ENTPD1: variants seen among roughly 807,000 people sequenced by gnomAD.
ENTPD1 encodes the protein ATP diphosphohydrolase.
ENTPD1 carries 33 observed loss-of-function variants against 57.0 expected under a neutral mutation model. The observed-to-expected ratio is 0.58, with a 90% CI of 0.44 to 0.77. The LOEUF is 0.77. ENTPD1 is among the 30% of genes least tolerant of loss of function. The pLI, the probability that ENTPD1 is intolerant of heterozygous loss-of-function variation, is 0.00. For missense variants in ENTPD1, 501 were observed against 603.4 expected, an observed-to-expected ratio of 0.83 and a Z score of 1.78; for synonymous variants, 202 against 218.8, an observed-to-expected ratio of 0.92 and a Z score of 0.68.
At chr10:95,825,493 T>C (rs1193411294) in intron 2 of ENTPD1, among the ~76,000 whole-genome samples, 1 of 152,228 alleles carries the variant, frequency 6.6e-6, no homozygotes, top group Admixed American at 6.5e-5. Flanking sequence ...AAAATGACCA[T>C]TTAAAAGATA....
intron 7 of ENTPD1, among the ~76,000 whole-genome samples, chr10:95,851,598 G>A (rs987961458): frequency 9.0e-6 from 1 of 110,744 alleles, no homozygotes; most frequent in African/African-American, 3.7e-5. Context: ...CCCCACGACA[G>A]TCCCCGGTGT....
chr10:95,833,405 T>C (rs1005840072), intron 2 of ENTPD1: 1 of 152,252 alleles, frequency 6.6e-6, no homozygotes, highest in Non-Finnish European at 1.5e-5. Flanking sequence ...TTATAGGCCC[T>C]ACTAGCATCT....
intron 1 of ENTPD1, among the ~76,000 whole-genome samples, chr10:95,820,719 C>A (rs963511530): frequency 1.3e-5 from 2 of 152,218 alleles, no homozygotes; most frequent in South Asian, 4.1e-4. Context: ...TACCGCAAGT[C>A]ACTCTATCAA....
intron 1 of ENTPD1, among the ~76,000 whole-genome samples, chr10:95,794,277 A>G (rs2098217484): frequency 6.6e-6 from 1 of 152,160 alleles, no homozygotes; most frequent in African/African-American, 2.4e-5. Flanking sequence ...TGGCTTAATG[A>G]TCTTTGTAAT....
intron 1 of ENTPD1, among the ~76,000 whole-genome samples, chr10:95,723,509 A>T (rs1236779694): frequency 6.8e-6 from 1 of 147,400 alleles, no homozygotes; most frequent in Non-Finnish European, 1.5e-5. Flanking sequence ...GCTCCCTTAG[A>T]TCCCTTTGGA....
At chr10:95,844,785 A>C in intron 5 of ENTPD1, 150 bp downstream of exon 5, 1 of 1,003,646 alleles carries the variant, frequency 1.0e-6, no homozygotes, top group Non-Finnish European at 1.6e-6. Context: ...TTACTCTCAC[A>C]TTTGTAAGGG....
intron 1 of ENTPD1, among the ~76,000 whole-genome samples, chr10:95,722,545 A>G (rs752932251): frequency 2.4e-4 from 37 of 152,042 alleles, no homozygotes; most frequent in Non-Finnish European, 4.7e-4. Context: ...CTATCGCAAG[A>G]ACAAAAAACC....
At chr10:95,696,142 T>C in the ENTPD1 span, among the ~76,000 whole-genome samples, 1 of 152,176 alleles carries the variant, frequency 6.6e-6, no homozygotes, top group African/African-American at 2.4e-5. Context: ...CCGGATCTTT[T>C]TGAGTTGCTT....
exon 1 of ENTPD1, chr10:95,711,942 C>T: frequency 6.2e-7 from 1 of 1,612,892 alleles, no homozygotes; most frequent in Non-Finnish European, 8.5e-7. Context: ...CTGCTCTGTT[C>T]TTCTGGAAGC....
intron 1 of ENTPD1, among the ~76,000 whole-genome samples, chr10:95,763,644 C>G (rs1437112341): frequency 6.6e-6 from 1 of 152,160 alleles, no homozygotes; most frequent in African/African-American, 2.4e-5. Context: ...TGATTTCAGT[C>G]CAGTGAAACT....
At chr10:95,854,915 TA>T (rs757561644) in intron 7 of ENTPD1, among the ~76,000 whole-genome samples, 4 of 152,218 alleles carry the variant, frequency 2.6e-5, no homozygotes, top group African/African-American at 7.2e-5. Flanking sequence ...TTCTGTTGAT[TA>T]GGGGTGGAGA....
chr10:95,720,910 G>A (rs2097976685), intron 1 of ENTPD1, among the ~76,000 whole-genome samples: 2 of 152,098 alleles, frequency 1.3e-5, no homozygotes, highest in Admixed American at 6.5e-5. Context: ...TGACTAAAGC[G>A]GTGGCCTTTT....
chr10:95,730,869 C>T (rs1333702943), intron 1 of ENTPD1, among the ~76,000 whole-genome samples: 1 of 152,182 alleles, frequency 6.6e-6, no homozygotes, highest in Non-Finnish European at 1.5e-5. Flanking sequence ...AGAGCATTTT[C>T]CCATTCTTTT....
At chr10:95,797,846 A>G (rs1440508479) in intron 1 of ENTPD1, among the ~76,000 whole-genome samples, 1 of 152,174 alleles carries the variant, frequency 6.6e-6, no homozygotes, top group Non-Finnish European at 1.5e-5. Flanking sequence ...TGAGATTTGG[A>G]GGAGGAAAAC....
chr10:95,843,805 A>G (rs1421407643), intron 4 of ENTPD1, among the ~76,000 whole-genome samples: 1 of 152,242 alleles, frequency 6.6e-6, no homozygotes, highest in Non-Finnish European at 1.5e-5. Context: ...GCCTAATGCC[A>G]GCTGGAAGGT....
chr10:95,755,361 C>G, upstream of ENTPD1: 1 of 228,210 alleles, frequency 4.4e-6, no homozygotes, highest in Non-Finnish European at 8.7e-6. Context: ...TGAGGACTTA[C>G]CTTCCTTTCA....
intron 1 of ENTPD1, among the ~76,000 whole-genome samples, chr10:95,774,844 G>A (rs563613705): frequency 2.6e-5 from 4 of 152,320 alleles, no homozygotes; most frequent in African/African-American, 9.6e-5. Context: ...GAACTTTAAA[G>A]TAGTTTTTTC....
At chr10:95,825,647 G>A (rs1281148056) in intron 2 of ENTPD1, among the ~76,000 whole-genome samples, 2 of 152,078 alleles carry the variant, frequency 1.3e-5, no homozygotes, top group African/African-American at 2.4e-5. Context: ...GCACGATCTC[G>A]GCTCACTGAA....
chr10:95,819,126 C>G (rs1268032493), intron 1 of ENTPD1, among the ~76,000 whole-genome samples: 1 of 152,044 alleles, frequency 6.6e-6, no homozygotes, highest in East Asian at 1.9e-4. Context: ...TGGGATTTCT[C>G]TATACAACAG....
Sources: allele counts gnomAD v4.1 joint callset (sites outside exome capture counted in the v4.1 genomes callset), GRCh38; gene constraint gnomAD v4.1.1; transcripts MANE v1.5; gene names NCBI Gene and HGNC (gene_info 2026-07-23, HGNC 2026-07-21).